Variants in GRIK3 observed in about 807,000 individuals in gnomAD.
GRIK3 encodes glutamate receptor ionotropic, kainate 3.
In GRIK3, 29 loss-of-function variants were observed where a neutral mutation model predicts 102.5. The observed-to-expected ratio is 0.28, with a 90% CI of 0.21 to 0.39. The LOEUF is 0.39. Among genes scored for constraint, GRIK3 ranks in the 10% least tolerant of loss-of-function variants. The probability of loss-of-function intolerance (pLI) is 1.00; values close to 1 mark genes in which losing one functional copy is unlikely to be tolerated. For synonymous variants in GRIK3, 511 were observed against 504.9 expected (o/e 1.01, Z -0.16); for missense variants, 908 against 1,252.4 (o/e 0.73, Z 4.15).
At chr1:37,031,612 C>T (rs1194066490) in intron 1 of GRIK3, among the ~76,000 whole-genome samples, 9 of 152,332 alleles carry the variant, frequency 5.9e-5, no homozygotes, top group Non-Finnish European at 1.3e-4. Flanking sequence ...CAAGCTCAGC[C>T]GGCTCAGGTG....
intron 1 of GRIK3, among the ~76,000 whole-genome samples, chr1:36,930,414 C>G (rs940837217): frequency 7.9e-5 from 12 of 152,180 alleles, no homozygotes; most frequent in African/African-American, 2.9e-4. Flanking sequence ...ATCCCTTGAC[C>G]TTGTGGAATC....
intron 1 of GRIK3, among the ~76,000 whole-genome samples, chr1:36,986,416 G>GTCCGTCCA (rs139936242): frequency 3.1e-5 from 4 of 130,788 alleles, no homozygotes; most frequent in East Asian, 4.6e-4. Flanking sequence ...CCATCTCTCT[G>GTCCGTCCA]TCCATCCATC....
At chr1:36,873,548 G>C (rs1472835452) in intron 3 of GRIK3, among the ~76,000 whole-genome samples, 1 of 152,080 alleles carries the variant, frequency 6.6e-6, no homozygotes, top group African/African-American at 2.4e-5. Context: ...GGTCCCAAGA[G>C]GGCCATCCCC....
intron 1 of GRIK3, among the ~76,000 whole-genome samples, chr1:36,943,681 C>A (rs550795528): frequency 6.6e-6 from 1 of 152,144 alleles, no homozygotes; most frequent in Admixed American, 6.5e-5. Context: ...AGAAAATGAA[C>A]GAATAGTAGC....
chr1:36,821,577 C>A (rs1392141759), intron 11 of GRIK3, among the ~76,000 whole-genome samples: 1 of 152,218 alleles, frequency 6.6e-6, no homozygotes, highest in Non-Finnish European at 1.5e-5. Flanking sequence ...CAGGCCCAGA[C>A]ACCACCGGGT....
intron 1 of GRIK3, among the ~76,000 whole-genome samples, chr1:36,950,155 G>A (rs1469532142): frequency 2.0e-5 from 3 of 152,126 alleles, no homozygotes; most frequent in Non-Finnish European, 4.4e-5. Context: ...CTATGAAAAT[G>A]ACTTTATTAC....
intron 1 of GRIK3, among the ~76,000 whole-genome samples, chr1:36,916,672 C>T (rs1402941174): frequency 6.6e-6 from 1 of 152,220 alleles, no homozygotes; most frequent in Non-Finnish European, 1.5e-5. Context: ...CAAGCCTCAG[C>T]AGCTTCCATG....
At chr1:36,954,092 G>A (rs938015252) in intron 1 of GRIK3, among the ~76,000 whole-genome samples, 2 of 152,202 alleles carry the variant, frequency 1.3e-5, no homozygotes, top group African/African-American at 4.8e-5. Context: ...GGGGGACGAA[G>A]GGCATCCTTT....
chr1:36,980,671 C>T (rs987843356), intron 1 of GRIK3, among the ~76,000 whole-genome samples: 7 of 152,054 alleles, frequency 4.6e-5, no homozygotes, highest in African/African-American at 1.7e-4. Context: ...CAAGGTCTGG[C>T]TTCCCTCAGT....
At chr1:36,871,643 T>C (rs1431037113) in intron 4 of GRIK3, among the ~76,000 whole-genome samples, 1 of 152,190 alleles carries the variant, frequency 6.6e-6, no homozygotes, top group African/African-American at 2.4e-5. Flanking sequence ...CGAAGGCCCA[T>C]CCAGGACTGA....
At chr1:36,964,234 C>T (rs557099331) in intron 1 of GRIK3, among the ~76,000 whole-genome samples, 10 of 152,352 alleles carry the variant, frequency 6.6e-5, no homozygotes, top group East Asian at 3.9e-4. Context: ...GAGTCCTCCT[C>T]CAGGTCTTGC....
intron 1 of GRIK3, among the ~76,000 whole-genome samples, chr1:37,002,916 C>T (rs142266693): frequency 1.2e-3 from 187 of 152,098 alleles, no homozygotes; most frequent in Non-Finnish European, 2.4e-3. Context: ...GCTAGGATTA[C>T]AGGTGTGAGC....
At chr1:36,903,711 A>G (rs1401401463) in intron 1 of GRIK3, among the ~76,000 whole-genome samples, 1 of 152,264 alleles carries the variant, frequency 6.6e-6, no homozygotes, top group Non-Finnish European at 1.5e-5. Context: ...AATGAAGCCA[A>G]TGTGAAAAGG....
chr1:36,913,728 G>T (rs1481714459), intron 1 of GRIK3, among the ~76,000 whole-genome samples: 2 of 152,048 alleles, frequency 1.3e-5, no homozygotes, highest in African/African-American at 4.8e-5. Context: ...CAGGGCCTTT[G>T]GCTTTCTGGG....
intron 2 of GRIK3, among the ~76,000 whole-genome samples, chr1:36,887,767 AAAAAATAT>A (rs1641056547): frequency 9.4e-6 from 1 of 106,432 alleles, no homozygotes; most frequent in South Asian, 3.2e-4. Flanking sequence ...AAAAAAAAAA[AAAAAATAT>A]ATATATATAT....
chr1:36,868,994 G>A (rs1180268699), intron 5 of GRIK3, among the ~76,000 whole-genome samples: 1 of 152,238 alleles, frequency 6.6e-6, no homozygotes, highest in East Asian at 1.9e-4. Flanking sequence ...CAGTGAGGCT[G>A]TCACTCACCT....
chr1:37,007,152 A>G (rs1350913775), intron 1 of GRIK3, among the ~76,000 whole-genome samples: 3 of 152,272 alleles, frequency 2.0e-5, no homozygotes, highest in Non-Finnish European at 4.4e-5. Context: ...AACACGGCAT[A>G]GGGCACCACT....
At chr1:36,996,482 C>A (rs972076069) in intron 1 of GRIK3, among the ~76,000 whole-genome samples, 2 of 152,182 alleles carry the variant, frequency 1.3e-5, no homozygotes, top group African/African-American at 4.8e-5. Flanking sequence ...AAAACCGGGA[C>A]AAGCCAAGAC....
chr1:37,012,641 G>A (rs544344487), intron 1 of GRIK3, among the ~76,000 whole-genome samples: 1 of 152,324 alleles, frequency 6.6e-6, no homozygotes, highest in Non-Finnish European at 1.5e-5. Flanking sequence ...TGTGTTTTCA[G>A]ATGAGAAAAA....
Sources: gnomAD v4.1 joint callset for allele counts (sites outside exome capture counted in the v4.1 genomes callset) on GRCh38, gnomAD v4.1.1 for gene constraint, MANE v1.5 for transcripts, NCBI Gene and HGNC (gene_info 2026-07-23, HGNC 2026-07-21) for gene names.